Variants in CHSY3 observed in about 807,000 individuals in gnomAD.
The protein encoded by CHSY3 is chondroitin sulfate synthase 3.
CHSY3 carries 35 observed loss-of-function variants against 67.2 expected under a neutral mutation model. That is an observed-to-expected ratio of 0.52 (90% confidence interval 0.40 to 0.69). The LOEUF is 0.69. Ranked by LOEUF, CHSY3 falls within the 30% of genes least tolerant of loss-of-function variation. The pLI is 0.00. For missense variants in CHSY3, 1,069 were observed against 1,138.5 expected (o/e 0.94, Z 0.88); for synonymous variants, 474 against 434.7 (o/e 1.09, Z -1.12).
rs548483366 is a variant in CHSY3, at chr5:130,152,966, C to T, written c.1087-31263C>T. Reference sequence around the variant, plus strand: ...GATAGGCTAAGTGCAGCGGCTCACACCTGTAATCAGTCCCAGCATTTTAGG... The same window carrying T: ...GATAGGCTAAGTGCAGCGGCTCACATCTGTAATCAGTCCCAGCATTTTAGG... On this transcript the variant is annotated intron_variant, in intron 2 of 2. Coordinates refer to ENST00000305031, the MANE Select transcript of CHSY3 (RefSeq NM_175856.5). Among the ~76,000 whole-genome samples the T allele has an allele frequency of 1.6e-3, 237 of 152,280 alleles. 2 individuals are homozygous for T. The highest frequency in any genetic ancestry group is 5.4e-3 in the African/African-American group (226 of 41,564).
intron 2 of CHSY3, among the ~76,000 whole-genome samples, chr5:130,060,683 C>T (rs1247300871): frequency 1.3e-4 from 20 of 152,124 alleles, no homozygotes; most frequent in Admixed American, 1.3e-3. Context: ...CCAAAAGACT[C>T]CTAGACTTCA....
At chr5:130,090,221 G>A (rs1469401452) in intron 2 of CHSY3, among the ~76,000 whole-genome samples, 1 of 152,190 alleles carries the variant, frequency 6.6e-6, no homozygotes, top group Non-Finnish European at 1.5e-5. Flanking sequence ...ACAAGAGAGA[G>A]AAGAGGTAAT....
At chr5:130,016,942 G>C (rs1234961811) in intron 2 of CHSY3, among the ~76,000 whole-genome samples, 1 of 152,112 alleles carries the variant, frequency 6.6e-6, no homozygotes, top group African/African-American at 2.4e-5. Flanking sequence ...GACACATTAG[G>C]AAAATGGGTC....
chr5:130,082,127 T>C (rs990389109), intron 2 of CHSY3, among the ~76,000 whole-genome samples: 6 of 152,028 alleles, frequency 3.9e-5, no homozygotes, highest in Non-Finnish European at 8.8e-5. Context: ...TGAATCCAGG[T>C]TAACCAGAAC....
chr5:130,180,011 A>T (rs1770198138), intron 2 of CHSY3, among the ~76,000 whole-genome samples: 1 of 152,198 alleles, frequency 6.6e-6, no homozygotes, highest in African/African-American at 2.4e-5. Flanking sequence ...AAATGTTGCC[A>T]TCAGGGTTTA....
rs1760389446 is a variant in CHSY3 at position 129,908,175 on chromosome 5, G to A, written c.901G>A (p.Gly301Arg). The stretch of plus-strand genomic sequence containing the variant: ...GAATATTGAAGAGCTTGGAAAGCTG[G>A]GACTGGAGCCTGGGGAAAACTTCTG... ...LGNIEELGKL[G>R]LEPGENFCMG... Residue 301 changes from glycine (G) to arginine (R), a missense_variant, in exon 2 of 3, where the codon GGA (glycine) becomes AGA (arginine). Around this residue, in one of 5 missense-constraint regions of CHSY3, gnomAD observed 216 missense variants for 311.5 expected, o/e 0.69. Transcript: ENST00000305031. The A allele has an allele frequency of 6.2e-7, 1 of 1,614,066 alleles. No individual in the cohort carries two copies. Among genetic ancestry groups the A allele is most frequent in the Admixed American group, 1.7e-5 (1 of 59,998 alleles).
intron 2 of CHSY3, among the ~76,000 whole-genome samples, chr5:129,968,647 C>T (rs78946562): frequency 0.016 from 2,421 of 151,950 alleles, 52 homozygotes; most frequent in African/African-American, 0.054. Flanking sequence ...ACAGGTGTTT[C>T]TCACACTTTG....
At chr5:130,119,449 C>T (rs761233735) in intron 2 of CHSY3, among the ~76,000 whole-genome samples, 13 of 152,078 alleles carry the variant, frequency 8.5e-5, no homozygotes, top group Admixed American at 3.9e-4. Flanking sequence ...TGATTCATTA[C>T]GCGTGTATTT....
chr5:130,180,625 G>A (rs1015184843), intron 2 of CHSY3, among the ~76,000 whole-genome samples: 4 of 152,068 alleles, frequency 2.6e-5, no homozygotes, highest in African/African-American at 9.7e-5. Context: ...GGCTGAGGTG[G>A]GAGGATCACT....
chr5:130,100,455 A>G (rs1364727049), intron 2 of CHSY3, among the ~76,000 whole-genome samples: 2 of 150,460 alleles, frequency 1.3e-5, no homozygotes, highest in South Asian at 2.1e-4. Context: ...TCGGCCTCCC[A>G]AAGTTGAGGA....
intron 2 of CHSY3, among the ~76,000 whole-genome samples, chr5:130,006,541 T>A (rs937798776): frequency 1.3e-5 from 2 of 152,160 alleles, no homozygotes; most frequent in South Asian, 4.1e-4. Context: ...TTGGTGAAAC[T>A]CAGAATATAT....
At chr5:130,153,367 C>A (rs1043226801) in intron 2 of CHSY3, among the ~76,000 whole-genome samples, 1 of 151,964 alleles carries the variant, frequency 6.6e-6, no homozygotes. Flanking sequence ...CCTTTGTATA[C>A]CCTTCTCCTA....
chr5:130,006,811 T>G (rs1763890720), intron 2 of CHSY3, among the ~76,000 whole-genome samples: 2 of 152,176 alleles, frequency 1.3e-5, no homozygotes, highest in Non-Finnish European at 2.9e-5. Context: ...TCTAAAAAAT[T>G]TATCTAATCC....
At chr5:129,999,775 A>C (rs1763664769) in intron 2 of CHSY3, among the ~76,000 whole-genome samples, 1 of 152,196 alleles carries the variant, frequency 6.6e-6, no homozygotes, top group Non-Finnish European at 1.5e-5. Context: ...AACAAAATTT[A>C]AACTCTACCA....
At chr5:129,990,765 T>TATTCAACAGATTCCC (rs1763338605) in intron 2 of CHSY3, among the ~76,000 whole-genome samples, 1 of 152,120 alleles carries the variant, frequency 6.6e-6, no homozygotes, top group African/African-American at 2.4e-5. Context: ...CTTCCCTAGG[T>TATTCAACAGATTCCC]TAGAATCTGA....
intron 2 of CHSY3, among the ~76,000 whole-genome samples, chr5:130,136,096 G>A (rs777229895): frequency 5.3e-5 from 8 of 152,168 alleles, no homozygotes; most frequent in Non-Finnish European, 8.8e-5. Context: ...GGTGTACACT[G>A]GATACAGTGG....
At chr5:129,924,992 A>T (rs937577186) in intron 2 of CHSY3, among the ~76,000 whole-genome samples, 1 of 152,166 alleles carries the variant, frequency 6.6e-6, no homozygotes, top group African/African-American at 2.4e-5. Context: ...GAGTGGTGGG[A>T]TAGGTGAGTT....
At chr5:129,936,625 T>C (rs985656303) in intron 2 of CHSY3, among the ~76,000 whole-genome samples, 1 of 152,226 alleles carries the variant, frequency 6.6e-6, no homozygotes, top group Non-Finnish European at 1.5e-5. Context: ...GCTAGATTTC[T>C]GCACCATAGC....
At chr5:130,113,413 C>T (rs1479026818) in intron 2 of CHSY3, among the ~76,000 whole-genome samples, 4 of 152,082 alleles carry the variant, frequency 2.6e-5, no homozygotes, top group Non-Finnish European at 5.9e-5. Context: ...TGTAATCTCT[C>T]CATTTATAAA....
Sources: gnomAD v4.1 joint callset for allele counts (sites outside exome capture counted in the v4.1 genomes callset) on GRCh38, gnomAD v4.1.1 for gene constraint, gnomAD v4.1.1 regional missense constraint, MANE v1.5 for transcripts, NCBI Gene and HGNC (gene_info 2026-07-23, HGNC 2026-07-21) for gene names.